Variants in NFASC observed in about 807,000 individuals in gnomAD.
The protein encoded by NFASC is neurofascin homolog.
NFASC carries 43 observed loss-of-function variants against 147.5 expected under a neutral mutation model. The observed-to-expected ratio is 0.29, with a 90% CI of 0.23 to 0.38. NFASC has a LOEUF of 0.38. Ranked by LOEUF, NFASC falls within the 10% of genes least tolerant of loss-of-function variation. The pLI is 1.00. For missense variants in NFASC, 1,320 were observed against 1,689.0 expected, an observed-to-expected ratio of 0.78 and a Z score of 3.83; for synonymous variants, 622 against 665.5, an observed-to-expected ratio of 0.93 and a Z score of 1.01.
chr1:204,832,026 AT>A (rs1486485979), intron 1 of NFASC, among the ~76,000 whole-genome samples: 1 of 152,176 alleles, frequency 6.6e-6, no homozygotes, highest in Non-Finnish European at 1.5e-5. Flanking sequence ...GCTATCCGGA[AT>A]GGTAGCTCAG....
chr1:204,866,689 A>C (rs1241236145), intron 1 of NFASC, among the ~76,000 whole-genome samples: 3 of 152,232 alleles, frequency 2.0e-5, no homozygotes. Context: ...CTGTGTGTGC[A>C]ATACATCAAA....
intron 1 of NFASC, among the ~76,000 whole-genome samples, chr1:204,853,889 A>G (rs922004907): frequency 2.6e-5 from 4 of 152,226 alleles, no homozygotes; most frequent in Admixed American, 2.0e-4. Context: ...GAACCCATCC[A>G]TAGGGGAGAG....
chr1:204,880,338 G>A (rs1427268066), intron 1 of NFASC, among the ~76,000 whole-genome samples: 1 of 152,040 alleles, frequency 6.6e-6, no homozygotes, highest in African/African-American at 2.4e-5. Context: ...TTTTCTCATT[G>A]TAATGTTTAA....
chr1:204,994,631 G>A (rs1268563151), intron 24 of NFASC, among the ~76,000 whole-genome samples: 1 of 152,162 alleles, frequency 6.6e-6, no homozygotes, highest in East Asian at 1.9e-4. Flanking sequence ...GATGATTCAG[G>A]TTAAAAGGGA....
intron 15 of NFASC, among the ~76,000 whole-genome samples, chr1:204,976,091 G>A (rs1286750652): frequency 1.3e-5 from 2 of 152,190 alleles, no homozygotes; most frequent in East Asian, 3.9e-4. Flanking sequence ...AGTTGGACAC[G>A]GTACCAGCGG....
intron 1 of NFASC, among the ~76,000 whole-genome samples, chr1:204,914,631 A>G (rs1458303036): frequency 2.0e-5 from 3 of 152,210 alleles, no homozygotes; most frequent in Non-Finnish European, 4.4e-5. Context: ...TAAGAGAACC[A>G]CAAAGGAGAT....
rs532905320 is a variant in NFASC, at chr1:204,880,416, G to C, written c.-199-40216G>C. ...TGTTGCCCAGGCTGGAGTGCAGTGG[G>C]GCGATCTCAGCTCACTGCAAGCTCC... On this transcript the variant is annotated intron_variant, in intron 1 of 29. Transcript: ENST00000339876. Among the ~76,000 whole-genome samples the C allele has an allele frequency of 3.3e-5, 5 of 152,086 alleles. No individual in the cohort carries two copies. The East Asian group carries it at 9.7e-4, about 29-fold the overall frequency.
rs1463497984 is a variant in NFASC at position 204,979,084 on chromosome 1, T to C, written c.1978+15T>C. ...CCCCATCACAGGTAGCTCAGGGCCT[T>C]GCACCCCAAAGCTGGAAAAGAGGGA... On this transcript the variant is annotated intron_variant, in intron 18 of 29. Transcript: ENST00000339876. The surrounding 1 kb of genome is among the most constrained non-coding windows in gnomAD (Gnocchi z 6.0). The C allele has an allele frequency of 2.6e-6, 4 of 1,544,362 alleles. No individual in the cohort carries two copies. In the South Asian group the frequency reaches 4.8e-5, roughly 18 times the overall value.
At chr1:204,932,521 A>T (rs541285627) in intron 2 of NFASC, among the ~76,000 whole-genome samples, 80 of 152,216 alleles carry the variant, frequency 5.3e-4, no homozygotes, top group African/African-American at 1.9e-3. Flanking sequence ...AGGCATTTAA[A>T]AAAAAAAAAG....
chr1:204,909,482 T>C (rs889042074), intron 1 of NFASC, among the ~76,000 whole-genome samples: 1 of 147,900 alleles, frequency 6.8e-6, no homozygotes, highest in Non-Finnish European at 1.5e-5. Flanking sequence ...TTGAAAGTTC[T>C]TCACATATTC....
chr1:204,856,314 T>C (rs1432507655), intron 1 of NFASC, among the ~76,000 whole-genome samples: 2 of 149,940 alleles, frequency 1.3e-5, no homozygotes, highest in Non-Finnish European at 3.0e-5. Flanking sequence ...TCAGTGAGGG[T>C]GGTGGACAGG....
chr1:204,920,169 T>G (rs941845887), intron 1 of NFASC, among the ~76,000 whole-genome samples: 3 of 152,230 alleles, frequency 2.0e-5, no homozygotes, highest in African/African-American at 7.2e-5. Flanking sequence ...TTGGGTCCCC[T>G]TTTAATGTGT....
Position 204,968,653 on chromosome 1 carries a change from T to G in NFASC, c.819-145T>G, listed in dbSNP as rs1387764229. 1 of 725,704 alleles carries G rather than the reference T, an allele frequency of 1.4e-6. No homozygotes were observed. The highest frequency in any genetic ancestry group is 2.7e-5 in the East Asian group (1 of 36,914). 45.0% of individuals were successfully genotyped at this position (725,704 alleles called of 1,614,324 possible). A position where few individuals can be genotyped will look rare whatever the true frequency, so the allele number is the denominator to read the frequency against. ...CTCTCTGTGGCTGAGCATCCTCCTC[T>G]GCACAGGAAAGATCAGCTTTTAGAG... On this transcript the variant is annotated intron_variant, in intron 9 of 29. Coordinates refer to ENST00000339876, the MANE Select transcript of NFASC (RefSeq NM_001005388.3). The surrounding 1 kb of genome is among the most constrained non-coding windows in gnomAD (Gnocchi z 5.4).
chr1:204,952,423 T>C (rs1462387522), intron 5 of NFASC, among the ~76,000 whole-genome samples: 4 of 151,814 alleles, frequency 2.6e-5, no homozygotes, highest in Admixed American at 2.6e-4. Context: ...GTTTAGCTTA[T>C]AGGAAGTTCC....
At chr1:205,012,644 A>C in intron 28 of NFASC, 153 bp from the exon 29 acceptor site, 2 of 673,388 alleles carry the variant, frequency 3.0e-6, no homozygotes, top group Non-Finnish European at 5.5e-6. Flanking sequence ...TACAGGAAGC[A>C]AAAACAAGGG....
intron 27 of NFASC, among the ~76,000 whole-genome samples, chr1:205,007,236 T>A (rs539590234): frequency 0.047 from 7,141 of 150,894 alleles, 334 homozygotes; most frequent in African/African-American, 0.12. Context: ...TTACTAAAAT[T>A]AAAAAAACAA....
At position 205,016,755 on chromosome 1, in the gene NFASC, G is replaced by T. The variant is rs2096365844; in HGVS notation, c.*216G>T. ...AGCCCCGGGTGCCACCAGTGTGGGA[G>T]AGCTGGAGCCGTGGCTGAGCTCAGC... On this transcript the variant is annotated 3_prime_UTR_variant, in exon 30 of 30. Coordinates refer to ENST00000339876, the MANE Select transcript of NFASC (RefSeq NM_001005388.3). This position sits in a 1 kb window ranked among gnomAD's most constrained non-coding sequence, Gnocchi z 5.1. The T allele has an allele frequency of 1.6e-6, 1 of 624,026 alleles. No homozygotes were observed. The highest frequency in any genetic ancestry group is 3.0e-5 in the East Asian group (1 of 33,618). The allele number at this position is 624,026 out of a possible 1,614,324, so 38.7% of individuals were successfully genotyped here.
chr1:204,988,940 G>A, intron 23 of NFASC, 134 bp downstream of exon 23: 1 of 791,242 alleles, frequency 1.3e-6, no homozygotes, highest in Admixed American at 2.2e-5. Flanking sequence ...CCCTCGGAAG[G>A]TGAGAACCCA....
At chr1:204,896,654 G>A (rs192286005) in intron 1 of NFASC, among the ~76,000 whole-genome samples, 10 of 152,260 alleles carry the variant, frequency 6.6e-5, no homozygotes, top group South Asian at 4.2e-4. Flanking sequence ...CACTTTCCAG[G>A]TCTTGGTTTT....
Sources: allele counts gnomAD v4.1 joint callset (sites outside exome capture counted in the v4.1 genomes callset), GRCh38; gene constraint gnomAD v4.1.1; non-coding constraint Gnocchi (gnomAD v3.1); transcripts MANE v1.5; gene names NCBI Gene and HGNC (gene_info 2026-07-23, HGNC 2026-07-21).